MAGI2: variants seen among roughly 807,000 people sequenced by gnomAD.
MAGI2 encodes membrane-associated guanylate kinase, WW and PDZ domain-containing protein 2.
A neutral mutation model predicts 133.3 loss-of-function variants in MAGI2; 35 were observed. The observed-to-expected ratio is 0.26, with a 90% CI of 0.20 to 0.35. MAGI2 has a LOEUF of 0.35. MAGI2 is among the 10% of genes least tolerant of loss of function. The pLI is 1.00. For missense variants in MAGI2, 1,636 were observed against 1,863.4 expected (o/e 0.88, Z 2.25); for synonymous variants, 729 against 710.6 (o/e 1.03, Z -0.41).
At chr7:79,267,011 C>A (rs1375384275) in intron 1 of MAGI2, among the ~76,000 whole-genome samples, 1 of 152,100 alleles carries the variant, frequency 6.6e-6, no homozygotes, top group Admixed American at 6.6e-5. Flanking sequence ...GAACTTTGAT[C>A]ATCTTTGTTT....
chr7:78,321,795 C>T (rs899879100), intron 9 of MAGI2, among the ~76,000 whole-genome samples: 1 of 152,164 alleles, frequency 6.6e-6, no homozygotes, highest in Non-Finnish European at 1.5e-5. Flanking sequence ...TAAAGAGCTT[C>T]TGCACTGCAA....
intron 5 of MAGI2, 85 bp from the exon 6 acceptor site, chr7:78,489,925 C>G (rs1280542709): frequency 9.9e-7 from 1 of 1,009,974 alleles, no homozygotes; most frequent in East Asian, 2.4e-5. Flanking sequence ...CAGGGTTAGT[C>G]CAACAAAATT....
chr7:78,758,834 G>T (rs11982869), intron 2 of MAGI2, among the ~76,000 whole-genome samples: 3 of 152,034 alleles, frequency 2.0e-5, no homozygotes, highest in Non-Finnish European at 4.4e-5. Context: ...TCTTATGTAG[G>T]TTCCTCCACA....
intron 6 of MAGI2, among the ~76,000 whole-genome samples, chr7:78,427,545 T>A (rs1300699207): frequency 6.6e-6 from 1 of 152,022 alleles, no homozygotes; most frequent in African/African-American, 2.4e-5. Context: ...TGTATATGCC[T>A]TATATCATGA....
chr7:78,688,456 C>T (rs1335699985), intron 2 of MAGI2, among the ~76,000 whole-genome samples: 1 of 149,034 alleles, frequency 6.7e-6, no homozygotes, highest in African/African-American at 2.5e-5. Flanking sequence ...TTTATGAAGA[C>T]AAAAAAAAAT....
rs149718625 is a variant in MAGI2 at position 78,225,954 on chromosome 7, C to T, written c.2048-24761G>A. Among the ~76,000 whole-genome samples, 448 of 152,284 alleles carry T rather than the reference C, an allele frequency of 2.9e-3. 4 individuals carry two copies. Among genetic ancestry groups the T allele is most frequent in the African/African-American group, 0.01 (424 of 41,566 alleles). On this transcript the variant is annotated intron_variant, in intron 10 of 21. Coordinates refer to ENST00000354212, the MANE Select transcript of MAGI2 (RefSeq NM_012301.4). Reference sequence around the variant, plus strand: ...GTTCACATGATAGATAAGTCTAAGACAGGGAGTGCTTCTCAAACAATCTCT... The same window carrying T: ...GTTCACATGATAGATAAGTCTAAGATAGGGAGTGCTTCTCAAACAATCTCT...
At chr7:78,113,044 C>G (rs115742747) in intron 20 of MAGI2, among the ~76,000 whole-genome samples, 1,669 of 151,974 alleles carry the variant, frequency 0.011, 36 homozygotes, top group African/African-American at 0.037. Context: ...GTGCAAAAGC[C>G]CCATGGGCAG....
At chr7:79,011,320 C>T (rs187948911) in intron 1 of MAGI2, among the ~76,000 whole-genome samples, 11 of 152,238 alleles carry the variant, frequency 7.2e-5, no homozygotes, top group African/African-American at 2.6e-4. Flanking sequence ...GAAGATGCTG[C>T]TTGGATTGGA....
At chr7:78,543,812 G>A (rs1011357068) in intron 3 of MAGI2, among the ~76,000 whole-genome samples, 1 of 152,216 alleles carries the variant, frequency 6.6e-6, no homozygotes, top group Admixed American at 6.5e-5. Flanking sequence ...AAAGGTGAGT[G>A]CTGATACAGA....
intron 1 of MAGI2, among the ~76,000 whole-genome samples, chr7:79,384,463 T>C (rs1844036033): frequency 9.3e-6 from 1 of 107,642 alleles, no homozygotes; most frequent in African/African-American, 5.1e-5. Flanking sequence ...TTAAGTCAAA[T>C]AACTTAGATC....
chr7:78,745,252 A>T (rs557654918), intron 2 of MAGI2, among the ~76,000 whole-genome samples: 1 of 152,288 alleles, frequency 6.6e-6, no homozygotes, highest in African/African-American at 2.4e-5. Flanking sequence ...AATGTACCAC[A>T]ATGCCCACAG....
intron 6 of MAGI2, among the ~76,000 whole-genome samples, chr7:78,488,139 G>A (rs1464325018): frequency 6.6e-6 from 1 of 151,962 alleles, no homozygotes; most frequent in African/African-American, 2.4e-5. Context: ...AATAGCAGTT[G>A]ACCAAGTTAC....
chr7:78,925,022 A>G (rs1211342652), intron 2 of MAGI2, among the ~76,000 whole-genome samples: 3 of 151,990 alleles, frequency 2.0e-5, no homozygotes, highest in Non-Finnish European at 4.4e-5. Context: ...TTGGCCACTG[A>G]AATTAACCCT....
At chr7:78,967,100 T>C (rs191330314) in intron 2 of MAGI2, among the ~76,000 whole-genome samples, 1 of 151,204 alleles carries the variant, frequency 6.6e-6, no homozygotes, top group East Asian at 2.0e-4. Context: ...ATCTTGCTGG[T>C]CTAACTTTTT....
chr7:78,626,546 G>A (rs1808366636), intron 3 of MAGI2, among the ~76,000 whole-genome samples: 1 of 152,016 alleles, frequency 6.6e-6, no homozygotes, highest in Non-Finnish European at 1.5e-5. Flanking sequence ...TCAAGGTTTT[G>A]GTTTCATTTG....
chr7:79,399,095 C>CTTTTTTTTTTTTTTTTTTTTTTTTTTTT lies in MAGI2; in HGVS notation c.301+53924_301+53925insAAAAAAAAAAAAAAAAAAAAAAAAAAAA. Among the ~76,000 whole-genome samples the CTTTTTTTTTTTTTTTTTTTTTTTTTTTT allele has an allele frequency of 2.2e-3, 235 of 106,176 alleles. 16 individuals are homozygous for CTTTTTTTTTTTTTTTTTTTTTTTTTTTT. Among genetic ancestry groups the CTTTTTTTTTTTTTTTTTTTTTTTTTTTT allele is most frequent in the Non-Finnish European group, 2.7e-3 (147 of 53,836 alleles). The allele number at this position is 106,176 out of a possible 152,430, so 69.7% of individuals were successfully genotyped here. On this transcript the variant is annotated intron_variant, in intron 1 of 21. Coordinates refer to ENST00000354212, the MANE Select transcript of MAGI2 (RefSeq NM_012301.4). ...GTATTATTTCTTTTTTTTTTCTTTT[C>CTTTTTTTTTTTTTTTTTTTTTTTTTTTT]TTTTTTTTTTTTTTTGGGAGATGGA...
chr7:78,356,861 A>G (rs1354414220), intron 7 of MAGI2, among the ~76,000 whole-genome samples: 1 of 152,222 alleles, frequency 6.6e-6, no homozygotes, highest in Admixed American at 6.5e-5. Context: ...GCCACTTCCA[A>G]TGAGTCTGAG....
At chr7:79,052,129 A>G (rs1164232239) in intron 1 of MAGI2, among the ~76,000 whole-genome samples, 2 of 152,206 alleles carry the variant, frequency 1.3e-5, no homozygotes, top group African/African-American at 2.4e-5. Context: ...CAGAAGACAC[A>G]CAGAGAAACA....
At chr7:78,121,927 T>C (rs1388313505) in intron 20 of MAGI2, among the ~76,000 whole-genome samples, 2 of 152,240 alleles carry the variant, frequency 1.3e-5, no homozygotes, top group Non-Finnish European at 2.9e-5. Context: ...AAATGGACTA[T>C]AGCTTCATGC....
Sources: allele counts gnomAD v4.1 joint callset (sites outside exome capture counted in the v4.1 genomes callset), GRCh38; gene constraint gnomAD v4.1.1; transcripts MANE v1.5; gene names NCBI Gene and HGNC (gene_info 2026-07-23, HGNC 2026-07-21).